PRDM16: variants seen among roughly 807,000 people sequenced by gnomAD.
PRDM16 encodes PR/SET domain 16.
Under a neutral mutation model 110.6 loss-of-function variants are expected in PRDM16, and 23 were observed. The observed-to-expected ratio is 0.21, with a 90% CI of 0.15 to 0.29. The LOEUF is 0.29. PRDM16 is among the 10% of genes least tolerant of loss of function. The pLI is 1.00. For missense variants in PRDM16, 1,615 were observed against 1,794.3 expected (o/e 0.90, Z 1.81); for synonymous variants, 799 against 781.8 (o/e 1.02, Z -0.37).
At position 3,437,806 on chromosome 1, in the gene PRDM16, A is replaced by G. The variant is rs1638949165; in HGVS notation, c.*3995A>G. 1 of 218,184 alleles carries G rather than the reference A, an allele frequency of 4.6e-6. No homozygotes were observed. The highest frequency in any genetic ancestry group is 6.7e-5 in the East Asian group (1 of 14,886). The allele number at this position is 218,184 out of a possible 1,614,324, so 13.5% of individuals were successfully genotyped here. On this transcript the variant is annotated 3_prime_UTR_variant, in exon 17 of 17. Transcript: ENST00000270722. ...GCTTGAGTTTCCAAACGTGTGATTCACTTGTGAACAAAAGTCATTCTAACA... is the reference window on the plus strand; with the variant it reads ...GCTTGAGTTTCCAAACGTGTGATTCGCTTGTGAACAAAAGTCATTCTAACA...
At chr1:3,408,807 C>T (rs1368685519) in intron 8 of PRDM16, among the ~76,000 whole-genome samples, 13 of 90,332 alleles carry the variant, frequency 1.4e-4, no homozygotes, top group South Asian at 3.7e-4. Flanking sequence ...TGTGTGTGAG[C>T]GCGTGTGGGC....
At chr1:3,160,431 C>T (rs549574856) in intron 1 of PRDM16, among the ~76,000 whole-genome samples, 1 of 152,240 alleles carries the variant, frequency 6.6e-6, no homozygotes, top group South Asian at 2.1e-4. Context: ...ATGAACTCAC[C>T]GGGCATTCCT....
At chr1:3,119,956 G>C (rs148962477) in intron 1 of PRDM16, among the ~76,000 whole-genome samples, 228 of 142,134 alleles carry the variant, frequency 1.6e-3, no homozygotes, top group African/African-American at 5.5e-3. Flanking sequence ...TTTCTTGGAG[G>C]GGGGAGAGAG....
At chr1:3,091,634 C>T (rs1201515795) in intron 1 of PRDM16, among the ~76,000 whole-genome samples, 1 of 152,236 alleles carries the variant, frequency 6.6e-6, no homozygotes, top group Non-Finnish European at 1.5e-5. Flanking sequence ...CTCTGCTGGG[C>T]AGGGCTGCAG....
In PRDM16 at chr1:3,243,388, A is replaced by G. The variant is rs1404815625; in HGVS notation, c.388-699A>G. On this transcript the variant is annotated intron_variant, in intron 2 of 16. Transcript: ENST00000270722. This position sits in a 1 kb window ranked among gnomAD's most constrained non-coding sequence, Gnocchi z 5.5. ...CCACCTCTGATTTGCCAAAAAAAAA[A>G]AGAGGAAGCAGAGAAATGGCATGAG... Among the ~76,000 whole-genome samples the G allele has an allele frequency of 6.6e-6, 1 of 150,442 alleles. No individual in the cohort carries two copies. The highest frequency in any genetic ancestry group is 2.4e-5 in the African/African-American group (1 of 41,066).
intron 1 of PRDM16, among the ~76,000 whole-genome samples, chr1:3,088,448 ATTATTTATTTAT>A (rs1553122533): frequency 1.4e-4 from 20 of 146,114 alleles, no homozygotes; most frequent in Non-Finnish European, 2.4e-4. Flanking sequence ...GGATTCTTTT[ATTATTTATTTAT>A]TTATTTATTT....
At chr1:3,379,916 GCACACCCCTCCCAGCACACCCCTCCCAA>G (rs1643070688) in intron 3 of PRDM16, among the ~76,000 whole-genome samples, 2 of 1,330 alleles carry the variant, frequency 1.5e-3, no homozygotes, top group Non-Finnish European at 2.3e-3. Context: ...ACCCCTCCCA[GCACACCCCTCCCAGCACACCCCTCCCAA>G]CACACCCCTC....
At chr1:3,156,863 C>G (rs1051853415) in intron 1 of PRDM16, among the ~76,000 whole-genome samples, 1 of 152,186 alleles carries the variant, frequency 6.6e-6, no homozygotes, top group African/African-American at 2.4e-5. Context: ...CTGCACCAAC[C>G]GTGTGGCCTG....
chr1:3,155,176 C>T (rs1384441212), intron 1 of PRDM16, among the ~76,000 whole-genome samples: 1 of 152,200 alleles, frequency 6.6e-6, no homozygotes, highest in Admixed American at 6.5e-5. Flanking sequence ...CGGACCTCTC[C>T]AGGAAGGGCC....
At chr1:3,194,871 C>T (rs567246352) in intron 2 of PRDM16, among the ~76,000 whole-genome samples, 43 of 152,352 alleles carry the variant, frequency 2.8e-4, no homozygotes, top group African/African-American at 8.2e-4. Flanking sequence ...ACCACCCCCA[C>T]GGTTGAGTGG....
At chr1:3,105,743 C>T (rs1642637293) in intron 1 of PRDM16, among the ~76,000 whole-genome samples, 2 of 152,246 alleles carry the variant, frequency 1.3e-5, no homozygotes, top group African/African-American at 2.4e-5. Flanking sequence ...TGCTAATTAG[C>T]GCTCCGCTGG....
At chr1:3,311,945 G>A (rs769907025) in intron 3 of PRDM16, among the ~76,000 whole-genome samples, 1 of 152,160 alleles carries the variant, frequency 6.6e-6, no homozygotes, top group Admixed American at 6.5e-5. Flanking sequence ...CGGGGCCCCC[G>A]TCCAGAGTTC....
At chr1:3,238,186 G>A (rs1435161652) in intron 2 of PRDM16, 1 of 152,266 alleles carries the variant, frequency 6.6e-6, no homozygotes, top group Non-Finnish European at 1.5e-5. Flanking sequence ...AGGGCCCAAC[G>A]CGGGAGGCTT....
At chr1:3,120,712 G>C (rs556365552) in intron 1 of PRDM16, among the ~76,000 whole-genome samples, 2 of 152,186 alleles carry the variant, frequency 1.3e-5, no homozygotes, top group African/African-American at 4.8e-5. Context: ...GTGGATAGTC[G>C]GTGAGGAGAG....
In PRDM16 at chr1:3,411,896, C is replaced by G; in HGVS notation, c.1699C>G (p.Gln567Glu). 1.2e-6 allele frequency: 2 copies of G among 1,613,496 alleles called. No individual in the cohort carries two copies. The highest frequency in any genetic ancestry group is 1.7e-6 in the Non-Finnish European group (2 of 1,179,718). The change falls in exon 9 of 17, where the codon CAG becomes GAG. Residue 567 changes from glutamine (Q) to glutamate (E), a missense_variant. Transcript: ENST00000270722. ...PLVSAVSNSS[Q>E]GTTAAAGPEE... ...GGTCTCCGCCGTCAGCAACAGCAGC[C>G]AGGGCACGACGGCAGCTGCGGGGCC... is the stretch of plus-strand genomic sequence containing the variant.
intron 9 of PRDM16, among the ~76,000 whole-genome samples, chr1:3,413,314 G>A (rs940205986): frequency 6.6e-6 from 1 of 152,042 alleles, no homozygotes. Context: ...TCTTTCTGGG[G>A]GCCCCGGGGG....
In PRDM16 at chr1:3,435,557, G is replaced by A. The variant is rs1346467851; in HGVS notation, c.*1746G>A. ...GTTTGGAAGAAAAAATGATGATAGA[G>A]TCCCAAAAAGAAGAGAAAAAAAATG... is the stretch of plus-strand genomic sequence containing the variant. On this transcript the variant is annotated 3_prime_UTR_variant, in exon 17 of 17. Coordinates refer to ENST00000270722, the MANE Select transcript of PRDM16 (RefSeq NM_022114.4). The A allele has an allele frequency of 8.6e-6, 2 of 231,946 alleles. No homozygotes were observed. Among genetic ancestry groups the A allele is most frequent in the Non-Finnish European group, 1.7e-5 (2 of 117,470 alleles). 14.4% of individuals were successfully genotyped at this position (231,946 alleles called of 1,614,324 possible). A position where few individuals can be genotyped will look rare whatever the true frequency, so the allele number is the denominator to read the frequency against.
chr1:3,100,887 C>T (rs1298233749), intron 1 of PRDM16, among the ~76,000 whole-genome samples: 2 of 152,044 alleles, frequency 1.3e-5, no homozygotes, highest in Admixed American at 6.5e-5. Flanking sequence ...ACGGCTGTGC[C>T]GAAGCCCCCG....
intron 1 of PRDM16, among the ~76,000 whole-genome samples, chr1:3,138,511 C>T (rs1041941403): frequency 2.0e-5 from 3 of 152,210 alleles, no homozygotes; most frequent in South Asian, 2.1e-4. Context: ...GTCTTCACGC[C>T]GGGGTGGCAC....
Sources: allele counts gnomAD v4.1 joint callset (sites outside exome capture counted in the v4.1 genomes callset), GRCh38; gene constraint gnomAD v4.1.1; non-coding constraint Gnocchi (gnomAD v3.1); transcripts MANE v1.5; gene names NCBI Gene and HGNC (gene_info 2026-07-23, HGNC 2026-07-21).